Variants in ZNF234 observed in about 807,000 individuals in gnomAD.
ZNF234 encodes zinc finger protein 234, also known as C2-H2 type zinc finger protein.
Under a neutral mutation model 10.3 loss-of-function variants are expected in ZNF234, and 4 were observed. That is an observed-to-expected ratio of 0.39 (90% CI 0.19 to 0.89). The LOEUF (loss-of-function observed/expected upper bound fraction) is 0.89. Among genes scored for constraint, ZNF234 ranks in the 40% least tolerant of loss-of-function variants. The probability of loss-of-function intolerance (pLI) is 0.38; values close to 1 mark genes in which losing one functional copy is unlikely to be tolerated. For missense variants in ZNF234, 711 were observed against 836.1 expected, an observed-to-expected ratio of 0.85 and a Z score of 1.85; for synonymous variants, 258 against 280.1, an observed-to-expected ratio of 0.92 and a Z score of 0.79.
chr19:44,148,981 T>G (rs1321056584), intron 4 of ZNF234, 84 bp downstream of exon 4: 3 of 1,482,460 alleles, frequency 2.0e-6, no homozygotes, highest in Non-Finnish European at 2.7e-6. Context: ...TTGGAGGTCT[T>G]GAATTAGTCG....
At chr19:44,151,466 G>T (rs1251326414) in intron 5 of ZNF234, among the ~76,000 whole-genome samples, 1 of 152,164 alleles carries the variant, frequency 6.6e-6, no homozygotes, top group Non-Finnish European at 1.5e-5. Flanking sequence ...CAAAGTGCTG[G>T]GATTACAGGC....
In ZNF234 at chr19:44,157,573, G is replaced by A; in HGVS notation, c.1557G>A (p.Lys519=). The change falls in exon 6 of 6, where the codon AAG becomes AAA. Residue 519 remains lysine, a synonymous_variant. Transcript: ENST00000426739. ...CATATAATTGTGAGGAGTGTGGGAA[G>A]GTCTTCAGTCAGGCCTCGCATCTTC... ...EKPYNCEECG[K]VFSQASHLLT... is the part of the protein sequence containing the mutation. The A allele has an allele frequency of 6.2e-7, 1 of 1,613,922 alleles. No individual in the cohort carries two copies. Among genetic ancestry groups the A allele is most frequent in the South Asian group, 1.1e-5 (1 of 91,072 alleles).
rs1968546896 is a variant in ZNF234 at position 44,144,588 on chromosome 19, T to A, written c.-45T>A. The A allele has an allele frequency of 6.7e-7, 1 of 1,492,520 alleles. No individual in the cohort carries two copies. The highest frequency in any genetic ancestry group is 1.4e-5 in the African/African-American group (1 of 72,242). 92.5% of individuals were successfully genotyped at this position (1,492,520 alleles called of 1,614,324 possible). On this transcript the variant is annotated 5_prime_UTR_variant, in exon 3 of 6. The change abolishes an upstream ATG in the 5' untranslated region. Coordinates refer to ENST00000426739, the MANE Select transcript of ZNF234 (RefSeq NM_006630.3). The stretch of plus-strand genomic sequence containing the variant: ...AGGCACGATTCTGCCTTCTCTCAAA[T>A]GGCATAACTCAGGACTCTGCAAATT...
rs1203304531 is a variant in ZNF234, at chr19:44,157,258, T to A, written c.1242T>A (p.His414Gln). 6.2e-7 allele frequency: 1 copy of A among 1,613,676 alleles called. No individual in the cohort carries two copies. The highest frequency in any genetic ancestry group is 8.5e-7 in the Non-Finnish European group (1 of 1,179,856). The change falls in exon 6 of 6, where the codon CAT becomes CAA. Residue 414 changes from histidine (H) to glutamine (Q), a missense_variant. Coordinates refer to ENST00000426739, the MANE Select transcript of ZNF234 (RefSeq NM_006630.3). The part of the protein sequence containing the change: ...ECGKSFRMKI[H>Q]YQVHLVVHTG... ...GGAAGAGCTTCAGAATGAAAATTCA[T>A]TATCAAGTGCATCTGGTAGTCCACA...
In ZNF234 at chr19:44,158,876, A is replaced by G. The variant is rs1411438607; in HGVS notation, c.*757A>G. On this transcript the variant is annotated 3_prime_UTR_variant, in exon 6 of 6. Coordinates refer to ENST00000426739, the MANE Select transcript of ZNF234 (RefSeq NM_006630.3). ...GCTACCGAATCTATACAACCTTAACATTGACTAGTGCTTGTAGGTGTGCTC... is the reference window on the plus strand; with the variant it reads ...GCTACCGAATCTATACAACCTTAACGTTGACTAGTGCTTGTAGGTGTGCTC... The G allele has an allele frequency of 1.3e-5, 2 of 152,564 alleles. No individual in the cohort carries two copies. The highest frequency in any genetic ancestry group is 2.9e-5 in the Non-Finnish European group (2 of 68,338). The allele number at this position is 152,564 out of a possible 1,614,324, so 9.5% of individuals were successfully genotyped here.
intron 3 of ZNF234, 199 bp from the exon 4 acceptor site, chr19:44,148,572 T>A: frequency 1.4e-6 from 1 of 715,220 alleles, no homozygotes; most frequent in Non-Finnish European, 2.5e-6. Flanking sequence ...AAGGCTATTG[T>A]TACTGATGTA....
In ZNF234 at chr19:44,156,929, AAT is replaced by A. The variant is rs1568554060; in HGVS notation, c.914_915del (p.Asn305ThrfsTer14). Reference protein sequence around the residue: ...KNFRRRSALNNHCMVHTGEKP... With the variant: ...KNFRRRSALNXHCMVHTGEKP... ...CTTCCGTCGTAGATCAGCACTTAATAATCATTGCATGGTCCACACAGGAGAGA... is the reference window on the plus strand; with the variant it reads ...CTTCCGTCGTAGATCAGCACTTAATACATTGCATGGTCCACACAGGAGAGA... On this transcript the variant is annotated frameshift_variant, in exon 6 of 6. Coordinates refer to ENST00000426739, the MANE Select transcript of ZNF234 (RefSeq NM_006630.3). LOFTEE classifies it low-confidence loss of function (END_TRUNC). The A allele has an allele frequency of 6.2e-7, 1 of 1,614,180 alleles. No individual in the cohort carries two copies. Among genetic ancestry groups the A allele is most frequent in the African/African-American group, 1.3e-5 (1 of 75,052 alleles).
intron 5 of ZNF234, among the ~76,000 whole-genome samples, chr19:44,152,697 C>G (rs183448959): frequency 3.1e-4 from 47 of 152,252 alleles, no homozygotes; most frequent in Admixed American, 2.7e-3. Flanking sequence ...TAGCTCCCCC[C>G]ACAAGAAGAT....
At position 44,157,858 on chromosome 19, in the gene ZNF234, T is replaced by A. The variant is rs1698758094; in HGVS notation, c.1842T>A (p.His614Gln). 1 of 1,614,014 alleles carries A rather than the reference T, an allele frequency of 6.2e-7. No individual in the cohort carries two copies. Among genetic ancestry groups the A allele is most frequent in the South Asian group, 1.1e-5 (1 of 91,086 alleles). The part of the protein sequence containing the change: ...HFSQASSLQL[H>Q]QSVHTGEKPY... ...GTCAGGCCTCAAGTCTCCAACTTCATCAGAGTGTCCACACAGGAGAGAAAC... is the reference window on the plus strand; with the variant it reads ...GTCAGGCCTCAAGTCTCCAACTTCAACAGAGTGTCCACACAGGAGAGAAAC... Residue 614 changes from histidine to glutamine, a missense_variant, in exon 6 of 6, where the codon CAT (histidine) becomes CAA (glutamine). His to Gln is a conservative substitution (Grantham distance 24). Transcript: ENST00000426739.
At chr19:44,149,475 A>G (rs1968684830) in intron 4 of ZNF234, among the ~76,000 whole-genome samples, 1 of 152,138 alleles carries the variant, frequency 6.6e-6, no homozygotes, top group Non-Finnish European at 1.5e-5. Flanking sequence ...TAGAAATGTA[A>G]TTTTAGTAAT....
At position 44,159,702 on chromosome 19, in the gene ZNF234, T is replaced by C; in HGVS notation, c.*1583T>C. The C allele has an allele frequency of 2.4e-6, 1 of 422,872 alleles. No individual in the cohort carries two copies. The highest frequency in any genetic ancestry group is 1.6e-5 in the South Asian group (1 of 62,234). The allele number at this position is 422,872 out of a possible 1,614,324, so 26.2% of individuals were successfully genotyped here. A position where few individuals can be genotyped will look rare whatever the true frequency, so the allele number is the denominator to read the frequency against. On this transcript the variant is annotated 3_prime_UTR_variant, in exon 6 of 6. Coordinates refer to ENST00000426739, the MANE Select transcript of ZNF234 (RefSeq NM_006630.3). ...GACTTTCCACATTTCCATCCAGACTTTGACATGATTGCCGTCTAATAACTG... is the reference window on the plus strand; with the variant it reads ...GACTTTCCACATTTCCATCCAGACTCTGACATGATTGCCGTCTAATAACTG...
chr19:44,148,800 G>A lies in ZNF234; in HGVS notation c.45G>A (p.Val15=), dbSNP rs1317846667. 1 of 1,613,852 alleles carries A rather than the reference G, an allele frequency of 6.2e-7. No individual in the cohort carries two copies. Among genetic ancestry groups the A allele is most frequent in the African/African-American group, 1.3e-5 (1 of 74,922 alleles). Residue 15 remains valine (V), a synonymous_variant, in exon 4 of 6, where the codon GTG becomes GTA. Transcript: ENST00000426739. The stretch of plus-strand genomic sequence containing the variant: ...GACTGACCTTCAAGGATGTGGCTGT[G>A]GTCTTCACTGAGGAGGAGCTGGGGC... The part of the protein sequence containing the change: ...KEGLTFKDVA[V]VFTEEELGLL...
intron 5 of ZNF234, among the ~76,000 whole-genome samples, chr19:44,155,860 C>CA (rs1430612078): frequency 2.0e-5 from 3 of 152,142 alleles, no homozygotes; most frequent in Non-Finnish European, 4.4e-5. Context: ...CCCAGCCTCC[C>CA]AGAATGCTGG....
intron 3 of ZNF234, among the ~76,000 whole-genome samples, chr19:44,145,666 A>T (rs1968572746): frequency 6.6e-6 from 1 of 152,268 alleles, no homozygotes; most frequent in African/African-American, 2.4e-5. Context: ...TGCCGGGATT[A>T]CAGGCATGAG....
chr19:44,158,258 G>GT lies in ZNF234; in HGVS notation c.*145dup, dbSNP rs766773341. The GT allele has an allele frequency of 7.7e-6, 8 of 1,034,540 alleles. No homozygotes were observed. Among genetic ancestry groups the GT allele is most frequent in the South Asian group, 6.6e-5 (5 of 75,324 alleles). 64.1% of individuals were successfully genotyped at this position (1,034,540 alleles called of 1,614,324 possible). ...CACATTTCCACCTAGACTTTTTTTT[G>GT]TTTTTTATTTTTTGTTTTGAAACAG... On this transcript the variant is annotated 3_prime_UTR_variant, in exon 6 of 6. Transcript: ENST00000426739.
intron 5 of ZNF234, among the ~76,000 whole-genome samples, chr19:44,153,094 T>C (rs1406998114): frequency 2.0e-5 from 3 of 148,888 alleles, no homozygotes; most frequent in Non-Finnish European, 4.4e-5. Context: ...CACATCATCA[T>C]AGAGACTTGT....
intron 3 of ZNF234, among the ~76,000 whole-genome samples, chr19:44,145,163 C>T (rs1190484256): frequency 6.6e-6 from 1 of 152,150 alleles, no homozygotes; most frequent in Admixed American, 6.5e-5. Flanking sequence ...TCTCTGCTTA[C>T]GTATTAGCTG....
At chr19:44,148,195 C>A (rs1968650545) in intron 3 of ZNF234, among the ~76,000 whole-genome samples, 1 of 152,146 alleles carries the variant, frequency 6.6e-6, no homozygotes, top group African/African-American at 2.4e-5. Context: ...CAAGATCACA[C>A]AACTTTGAAG....
rs746388930 is a variant in ZNF234 at position 44,157,888 on chromosome 19, C to G, written c.1872C>G (p.Tyr624Ter). 2.5e-6 allele frequency: 4 copies of G among 1,614,090 alleles called. No homozygotes were observed. Among genetic ancestry groups the G allele is most frequent in the Non-Finnish European group, 3.4e-6 (4 of 1,180,020 alleles). ...GTGTCCACACAGGAGAGAAACCATACAAATGTGATGTATGTGGTAAAGTCT... is the reference window on the plus strand; with the variant it reads ...GTGTCCACACAGGAGAGAAACCATAGAAATGTGATGTATGTGGTAAAGTCT... ...HQSVHTGEKPYKCDVCGKVFS... is the reference protein window; with the variant it reads ...HQSVHTGEKP Residue 624 changes from tyrosine to a stop codon, truncating the protein, a stop_gained, in exon 6 of 6, where the codon TAC becomes TAG. Transcript: ENST00000426739. LOFTEE classifies it low-confidence loss of function (END_TRUNC).
Sources: gnomAD v4.1 joint callset for allele counts (sites outside exome capture counted in the v4.1 genomes callset) on GRCh38, gnomAD v4.1.1 for gene constraint, MANE v1.5 for transcripts, NCBI Gene and HGNC (gene_info 2026-07-23, HGNC 2026-07-21) for gene names.